Variants in TENM4 observed in about 807,000 individuals in gnomAD.
The protein encoded by TENM4 is teneurin transmembrane protein 4.
In TENM4, 82 loss-of-function variants were observed where a neutral mutation model predicts 243.3. The ratio of observed to expected loss-of-function variants is 0.34; its 90% CI spans 0.28 to 0.40. TENM4 has a LOEUF of 0.40. Ranked by LOEUF, TENM4 falls within the 10% of genes least tolerant of loss-of-function variation. The pLI, the probability that TENM4 is intolerant of heterozygous loss-of-function variation, is 1.00. For synonymous variants in TENM4, 1,412 were observed against 1,456.3 expected, an observed-to-expected ratio of 0.97 and a Z score of 0.69; for missense variants, 3,138 against 3,673.3, an observed-to-expected ratio of 0.85 and a Z score of 3.77.
At chr11:78,893,796 C>T (rs2136302761) in intron 7 of TENM4, among the ~76,000 whole-genome samples, 2 of 151,660 alleles carry the variant, frequency 1.3e-5, no homozygotes, top group East Asian at 3.9e-4. Context: ...CACACACACA[C>T]ACACTCCTCT....
intron 6 of TENM4, among the ~76,000 whole-genome samples, chr11:78,977,505 C>T (rs1163801487): frequency 6.6e-6 from 1 of 152,346 alleles, no homozygotes; most frequent in African/African-American, 2.4e-5. Context: ...AACTGCAAAT[C>T]CAGGTCTGAC....
intron 3 of TENM4, among the ~76,000 whole-genome samples, chr11:79,165,731 G>A (rs867042274): frequency 1.3e-5 from 2 of 152,240 alleles, no homozygotes; most frequent in Middle Eastern, 3.4e-3. Context: ...TATCTAGAAG[G>A]GTTTTTCCAA....
rs147898733 is a variant in TENM4, at chr11:79,238,116, G to A, written c.-264-22207C>T. On this transcript the variant is annotated intron_variant, in intron 2 of 33. Coordinates refer to ENST00000278550, the MANE Select transcript of TENM4 (RefSeq NM_001098816.3). Reference sequence around the variant, plus strand: ...TAATTATGTTATGATATTTGTCCCCGCAGATTAATATGCACTCACGGTTTG... The same window carrying A: ...TAATTATGTTATGATATTTGTCCCCACAGATTAATATGCACTCACGGTTTG... 6.8e-4 allele frequency among the ~76,000 whole-genome samples: 103 copies of A among 152,202 alleles called. No individual in the cohort carries two copies. The Middle Eastern group carries it at 0.014, about 20-fold the overall frequency.
chr11:79,203,955 G>T (rs570832831), intron 3 of TENM4, among the ~76,000 whole-genome samples: 1 of 152,304 alleles, frequency 6.6e-6, no homozygotes. Flanking sequence ...CACGCTAAGT[G>T]AAAGAAGCCA....
At chr11:79,068,965 C>A (rs1168159229) in intron 5 of TENM4, among the ~76,000 whole-genome samples, 2 of 152,132 alleles carry the variant, frequency 1.3e-5, no homozygotes, top group Admixed American at 6.5e-5. Context: ...GGCTGCAGTA[C>A]AGAGAATGGC....
chr11:79,122,425 A>C (rs1861762526), intron 4 of TENM4, among the ~76,000 whole-genome samples: 1 of 152,182 alleles, frequency 6.6e-6, no homozygotes, highest in Non-Finnish European at 1.5e-5. Flanking sequence ...ATGGGAACAC[A>C]AAGCAGGGGG....
chr11:79,035,066 C>T (rs922314424), intron 6 of TENM4, among the ~76,000 whole-genome samples: 1 of 152,134 alleles, frequency 6.6e-6, no homozygotes, highest in Non-Finnish European at 1.5e-5. Flanking sequence ...TTTGAGTTGG[C>T]CTAAACCTTA....
intron 6 of TENM4, among the ~76,000 whole-genome samples, chr11:79,025,585 TTA>T (rs1859058886): frequency 6.6e-6 from 1 of 152,186 alleles, no homozygotes; most frequent in African/African-American, 2.4e-5. Context: ...GGTATTATTA[TTA>T]TCTCTATTCT....
At chr11:79,312,541 G>C (rs1268267616) in intron 1 of TENM4, among the ~76,000 whole-genome samples, 2 of 152,124 alleles carry the variant, frequency 1.3e-5, no homozygotes, top group Admixed American at 6.5e-5. Flanking sequence ...GAGGTCAGGT[G>C]ACACATCCAA....
chr11:79,114,872 A>G (rs79626920), intron 4 of TENM4, among the ~76,000 whole-genome samples: 6,083 of 152,274 alleles, frequency 0.04, 410 homozygotes, highest in African/African-American at 0.14. Flanking sequence ...GTGCAGAGTC[A>G]GAGAGAATAA....
chr11:79,370,251 C>G (rs1191123211), intron 1 of TENM4, among the ~76,000 whole-genome samples: 1 of 152,202 alleles, frequency 6.6e-6, no homozygotes, highest in Admixed American at 6.5e-5. Context: ...CAGGGCCCTC[C>G]ATACCATGAC....
chr11:79,191,724 C>T (rs920049903), intron 3 of TENM4: 5 of 183,896 alleles, frequency 2.7e-5, no homozygotes, highest in Non-Finnish European at 5.5e-5. Context: ...ATGTGGGGAG[C>T]GCCTCTGCCC....
chr11:78,768,269 T>C (rs892960744), intron 18 of TENM4, among the ~76,000 whole-genome samples: 1 of 152,220 alleles, frequency 6.6e-6, no homozygotes, highest in Non-Finnish European at 1.5e-5. Context: ...CATTTAATAG[T>C]TGAGAACCCA....
At chr11:79,329,259 A>C (rs1414470174) in intron 1 of TENM4, among the ~76,000 whole-genome samples, 1 of 152,240 alleles carries the variant, frequency 6.6e-6, no homozygotes, top group Non-Finnish European at 1.5e-5. Flanking sequence ...GAATAGAAGA[A>C]GTTCTTCAGA....
rs143120489 is a variant in TENM4 at position 78,964,606 on chromosome 11, T to C, written c.494-61083A>G. On this transcript the variant is annotated intron_variant, in intron 6 of 33. Coordinates refer to ENST00000278550, the MANE Select transcript of TENM4 (RefSeq NM_001098816.3). ...ATTCACCTTGAGAGCCTGCCTTCCC[T>C]GACACCACTGACCACCCAGTACTAG... is the stretch of plus-strand genomic sequence containing the variant. Among the ~76,000 whole-genome samples the C allele has an allele frequency of 1.5e-4, 23 of 152,336 alleles. No homozygotes were observed. In the East Asian group the frequency reaches 4.4e-3, roughly 29 times the overall value.
chr11:79,137,068 C>G (rs895972086), intron 4 of TENM4, among the ~76,000 whole-genome samples: 4 of 152,112 alleles, frequency 2.6e-5, no homozygotes, highest in Non-Finnish European at 4.4e-5. Flanking sequence ...TCACCATTAC[C>G]CCTGGTGATC....
chr11:79,294,421 T>C (rs190961598), intron 2 of TENM4, among the ~76,000 whole-genome samples: 2 of 152,306 alleles, frequency 1.3e-5, no homozygotes, highest in African/African-American at 2.4e-5. Context: ...CTGGGACACA[T>C]GGCTTGGCAG....
chr11:78,827,512 G>A (rs1356071739), intron 12 of TENM4, among the ~76,000 whole-genome samples: 10 of 110,812 alleles, frequency 9.0e-5, no homozygotes. Context: ...TTTATTTGAT[G>A]GAGTTTTGCT....
At chr11:79,335,690 A>G (rs1347911454) in intron 1 of TENM4, among the ~76,000 whole-genome samples, 1 of 152,196 alleles carries the variant, frequency 6.6e-6, no homozygotes, top group African/African-American at 2.4e-5. Flanking sequence ...AGTCTTTCAC[A>G]TAAGGCCTGT....
Sources: allele counts gnomAD v4.1 joint callset (sites outside exome capture counted in the v4.1 genomes callset), GRCh38; gene constraint gnomAD v4.1.1; transcripts MANE v1.5; gene names NCBI Gene and HGNC (gene_info 2026-07-23, HGNC 2026-07-21).